Variants in SORCS3 observed in about 807,000 individuals in gnomAD.
SORCS3 encodes sortilin related VPS10 domain containing receptor 3, also known as VPS10 domain-containing receptor SorCS3.
In SORCS3, 57 loss-of-function variants were observed where a neutral mutation model predicts 146.3. The ratio of observed to expected loss-of-function variants is 0.39; its 90% CI spans 0.31 to 0.49. The LOEUF (loss-of-function observed/expected upper bound fraction) is 0.49, where lower values mean the gene tolerates loss of function less well. Among genes scored for constraint, SORCS3 ranks in the 20% least tolerant of loss-of-function variants. The probability of loss-of-function intolerance (pLI) is 0.92; values close to 1 mark genes in which losing one functional copy is unlikely to be tolerated. For synonymous variants in SORCS3, 653 were observed against 618.5 expected, an observed-to-expected ratio of 1.06 and a Z score of -0.83; for missense variants, 1,341 against 1,575.5, an observed-to-expected ratio of 0.85 and a Z score of 2.52.
intron 3 of SORCS3, among the ~76,000 whole-genome samples, chr10:104,924,246 C>T (rs1054797058): frequency 6.6e-6 from 1 of 152,170 alleles, no homozygotes; most frequent in Admixed American, 6.5e-5. Flanking sequence ...GTCATAGAGT[C>T]ACTTGCCTCA....
intron 1 of SORCS3, among the ~76,000 whole-genome samples, chr10:104,703,340 TGTAC>T: frequency 6.6e-6 from 1 of 152,190 alleles, no homozygotes; most frequent in Non-Finnish European, 1.5e-5. Context: ...CCAACAACAG[TGTAC>T]AAGCATTCCT....
At chr10:104,977,278 T>C in intron 3 of SORCS3, 57 bp from the exon 4 acceptor site, 2 of 1,374,916 alleles carry the variant, frequency 1.5e-6, no homozygotes, top group Non-Finnish European at 2.0e-6. Flanking sequence ...TTAAAGTTAT[T>C]ATATTTATTA....
intron 1 of SORCS3, among the ~76,000 whole-genome samples, chr10:104,810,455 A>G (rs947766678): frequency 4.6e-5 from 7 of 152,240 alleles, no homozygotes; most frequent in African/African-American, 1.4e-4. Context: ...TTAACATTAT[A>G]CAAGTAGACA....
rs1273810224 is a variant in SORCS3, at chr10:104,942,075, CT to C, written c.795+26145del. On this transcript the variant is annotated intron_variant, in intron 3 of 26. Coordinates refer to ENST00000369701, the MANE Select transcript of SORCS3 (RefSeq NM_014978.3). ...CTCTCTTTTTAAATGATAAAAATAT[CT>C]TGTATTCACTGGAGAGGTTGTGCCT... is the stretch of plus-strand genomic sequence containing the variant. 2.6e-5 allele frequency among the ~76,000 whole-genome samples: 4 copies of C among 152,238 alleles called. No individual in the cohort carries two copies. The East Asian group carries it at 7.7e-4, about 29-fold the overall frequency.
intron 1 of SORCS3, among the ~76,000 whole-genome samples, chr10:104,753,401 G>A (rs886327093): frequency 1.3e-5 from 2 of 152,168 alleles, no homozygotes; most frequent in African/African-American, 4.8e-5. Context: ...ATTGGGCCAG[G>A]TTATGTCAAG....
intron 5 of SORCS3, among the ~76,000 whole-genome samples, chr10:105,058,451 A>G (rs1234904155): frequency 6.6e-6 from 1 of 152,204 alleles, no homozygotes; most frequent in Non-Finnish European, 1.5e-5. Flanking sequence ...GGGTTATATG[A>G]TTGTTTTCCA....
chr10:105,178,499 C>G (rs1301880618), intron 14 of SORCS3, among the ~76,000 whole-genome samples: 1 of 151,992 alleles, frequency 6.6e-6, no homozygotes, highest in Non-Finnish European at 1.5e-5. Flanking sequence ...CCAAAACAGT[C>G]TAGTGGGAGA....
At chr10:104,873,840 G>A (rs1268992412) in intron 2 of SORCS3, among the ~76,000 whole-genome samples, 4 of 152,180 alleles carry the variant, frequency 2.6e-5, no homozygotes, top group Non-Finnish European at 5.9e-5. Flanking sequence ...TAATAGCTGA[G>A]CTTCAGCAAA....
chr10:105,201,272 CA>C lies in SORCS3; in HGVS notation c.2261+20del, dbSNP rs772337099. 1.9e-6 allele frequency: 3 copies of C among 1,597,184 alleles called. No individual in the cohort carries two copies. The highest frequency in any genetic ancestry group is 2.6e-6 in the Non-Finnish European group (3 of 1,173,290). On this transcript the variant is annotated intron_variant, in intron 16 of 26. Transcript: ENST00000369701. ...TCGAGTGGTGAGTTGTTTGGCATTT[CA>C]TTACCAATTCCAACCAGGTCTTCAC... is the stretch of plus-strand genomic sequence containing the variant.
intron 1 of SORCS3, among the ~76,000 whole-genome samples, chr10:104,645,492 T>C (rs2015483533): frequency 6.6e-6 from 1 of 152,316 alleles, no homozygotes; most frequent in South Asian, 2.1e-4. Context: ...GGTGCCAAGG[T>C]GAAAACACTG....
chr10:105,220,398 C>T (rs2056693921), intron 19 of SORCS3, among the ~76,000 whole-genome samples: 1 of 152,146 alleles, frequency 6.6e-6, no homozygotes, highest in South Asian at 2.1e-4. Flanking sequence ...CTTTTATCTT[C>T]TTGGGTATCA....
At chr10:104,940,236 ATATTTT>A (rs1266209636) in intron 3 of SORCS3, among the ~76,000 whole-genome samples, 99 of 23,600 alleles carry the variant, frequency 4.2e-3, no homozygotes, top group African/African-American at 0.01. Flanking sequence ...ATATATATAT[ATATTTT>A]TTTTTTTTTT....
intron 4 of SORCS3, among the ~76,000 whole-genome samples, chr10:105,032,898 G>A (rs994897334): frequency 2.6e-5 from 4 of 152,178 alleles, no homozygotes; most frequent in African/African-American, 4.8e-5. Context: ...CATAGGTAGA[G>A]GGTGGGGTGG....
intron 3 of SORCS3, among the ~76,000 whole-genome samples, chr10:104,935,794 C>T (rs1323681257): frequency 6.6e-6 from 1 of 152,062 alleles, no homozygotes; most frequent in Non-Finnish European, 1.5e-5. Flanking sequence ...CATGCTGTAG[C>T]ATAGAGTTGT....
intron 8 of SORCS3, among the ~76,000 whole-genome samples, chr10:105,146,868 C>T (rs189010298): frequency 2.0e-5 from 3 of 152,136 alleles, no homozygotes; most frequent in Non-Finnish European, 4.4e-5. Flanking sequence ...AATCCAACCT[C>T]TTCACTAGGT....
At chr10:105,166,115 T>G (rs2056310503) in intron 12 of SORCS3, among the ~76,000 whole-genome samples, 1 of 152,182 alleles carries the variant, frequency 6.6e-6, no homozygotes, top group South Asian at 2.1e-4. Context: ...GGCTCATCAT[T>G]AATAGGGACA....
At chr10:104,871,537 A>C (rs1444185265) in intron 2 of SORCS3, among the ~76,000 whole-genome samples, 1 of 152,234 alleles carries the variant, frequency 6.6e-6, no homozygotes, top group Non-Finnish European at 1.5e-5. Context: ...AAGATAAATG[A>C]GAATTGGTGG....
chr10:104,661,868 G>A (rs1387631746), intron 1 of SORCS3, among the ~76,000 whole-genome samples: 1 of 152,128 alleles, frequency 6.6e-6, no homozygotes, highest in Non-Finnish European at 1.5e-5. Flanking sequence ...ATGTGTAGGT[G>A]GAAGGATGGA....
intron 11 of SORCS3, among the ~76,000 whole-genome samples, chr10:105,162,379 A>G (rs1403150436): frequency 6.6e-6 from 1 of 152,028 alleles, no homozygotes; most frequent in Non-Finnish European, 1.5e-5. Context: ...CCTTCTTCCA[A>G]CATGGTTGGC....
Sources: gnomAD v4.1 joint callset for allele counts (sites outside exome capture counted in the v4.1 genomes callset) on GRCh38, gnomAD v4.1.1 for gene constraint, MANE v1.5 for transcripts, NCBI Gene and HGNC (gene_info 2026-07-23, HGNC 2026-07-21) for gene names.